The following KHDC4 variants were observed in gnomAD, a reference collection of about 807,000 sequenced individuals.
The protein encoded by KHDC4 is KH homology domain-containing protein 4.
Under a neutral mutation model 74.5 loss-of-function variants are expected in KHDC4, and 19 were observed. The observed-to-expected ratio is 0.26, with a 90% CI of 0.18 to 0.37. The LOEUF (loss-of-function observed/expected upper bound fraction) is 0.37. Among genes scored for constraint, KHDC4 ranks in the 10% least tolerant of loss-of-function variants. The pLI is 1.00. For synonymous variants in KHDC4, 253 were observed against 266.1 expected, an observed-to-expected ratio of 0.95 and a Z score of 0.48; for missense variants, 632 against 754.1, an observed-to-expected ratio of 0.84 and a Z score of 1.90.
At chr1:155,931,329 G>T (rs1674137824) in intron 2 of KHDC4, among the ~76,000 whole-genome samples, 1 of 146,142 alleles carries the variant, frequency 6.8e-6, no homozygotes, top group Admixed American at 6.8e-5. Flanking sequence ...CAGAAAGAAA[G>T]AAAGAAAGAA....
chr1:155,926,325 C>CTTTTT lies in KHDC4; in HGVS notation c.681+346_681+350dup, dbSNP rs34342755. ...TTTTCTTTGTATGTATTACTTGGCA[C>CTTTTT]TTTTTTTTTTTTTTTTTTTTTTGAG... On this transcript the variant is annotated intron_variant, in intron 6 of 13. Transcript: ENST00000368321. 3.8e-3 allele frequency: 667 copies of CTTTTT among 175,092 alleles called. 1 individual carries two copies. The highest frequency in any genetic ancestry group is 7.2e-3 in the South Asian group (136 of 18,918). The allele number at this position is 175,092 out of a possible 1,614,324, so 10.8% of individuals were successfully genotyped here.
At position 155,917,569 on chromosome 1, in the gene KHDC4, G is replaced by C. The variant is rs758703032; in HGVS notation, c.1370C>G (p.Pro457Arg). The C allele has an allele frequency of 1.2e-5, 19 of 1,611,750 alleles. No homozygotes were observed. Among genetic ancestry groups the C allele is most frequent in the Non-Finnish European group, 1.6e-5 (19 of 1,179,274 alleles). The change falls in exon 11 of 14, where the codon CCC becomes CGC. Residue 457 changes from proline (P) to arginine (R), a missense_variant. Coordinates refer to ENST00000368321, the MANE Select transcript of KHDC4 (RefSeq NM_014949.4). ...TGTGAATCGTCTCTTCTGTGCCTGG[G>C]GCTGACTTGGGAGTGGGGGCTGGGG... Reference protein sequence around the residue: ...PQPQPPLPSQPQAQKRRFTEE... With the variant: ...PQPQPPLPSQRQAQKRRFTEE...
At chr1:155,925,602 T>G (rs746588445) in intron 7 of KHDC4, 30 bp downstream of exon 7, 1 of 1,577,268 alleles carries the variant, frequency 6.3e-7, no homozygotes, top group South Asian at 1.1e-5. Context: ...TGACAAGAAT[T>G]CACATGTCCC....
intron 4 of KHDC4, among the ~76,000 whole-genome samples, chr1:155,927,889 A>G (rs1257043672): frequency 6.8e-6 from 1 of 146,338 alleles, no homozygotes; most frequent in African/African-American, 2.5e-5. Flanking sequence ...TAATGGGGAA[A>G]GATTGATCAT....
intron 3 of KHDC4, 45 bp from the exon 4 acceptor site, chr1:155,929,420 A>C (rs1221697288): frequency 6.9e-7 from 1 of 1,452,032 alleles, no homozygotes; most frequent in African/African-American, 1.4e-5. Context: ...CAATTGGTTG[A>C]TTTCAATGGC....
At chr1:155,923,163 C>T (rs1317710804) in intron 8 of KHDC4, among the ~76,000 whole-genome samples, 1 of 151,518 alleles carries the variant, frequency 6.6e-6, no homozygotes, top group Non-Finnish European at 1.5e-5. Flanking sequence ...CGAGATCCCG[C>T]CACTGCACTC....
chr1:155,932,470 T>C (rs1316366976), intron 2 of KHDC4: 1 of 152,200 alleles, frequency 6.6e-6, no homozygotes, highest in Admixed American at 6.5e-5. Context: ...TTTTAGGTTT[T>C]ATGATTCTAA....
chr1:155,914,037 C>G lies in KHDC4; in HGVS notation c.*84G>C. 1.7e-6 allele frequency: 2 copies of G among 1,208,290 alleles called. No individual in the cohort carries two copies. Among genetic ancestry groups the G allele is most frequent in the Non-Finnish European group, 2.4e-6 (2 of 817,000 alleles). 74.8% of individuals were successfully genotyped at this position (1,208,290 alleles called of 1,614,324 possible). On this transcript the variant is annotated 3_prime_UTR_variant, in exon 14 of 14. Coordinates refer to ENST00000368321, the MANE Select transcript of KHDC4 (RefSeq NM_014949.4). ...GCAAAGGTCCAGATGGTTCCCAGCA[C>G]AGGCCCCAGAGTCTTGTTAAATCAA...
intron 8 of KHDC4, among the ~76,000 whole-genome samples, chr1:155,923,266 A>G (rs1241954981): frequency 6.6e-6 from 1 of 152,190 alleles, no homozygotes; most frequent in African/African-American, 2.4e-5. Context: ...TCAAATGAGC[A>G]ATCATCCCCC....
At chr1:155,927,029 T>G (rs914023609) in intron 5 of KHDC4, 75 bp downstream of exon 5, 257 of 1,455,156 alleles carry the variant, frequency 1.8e-4, no homozygotes, top group Non-Finnish European at 1.6e-4. Flanking sequence ...CAGGGACACT[T>G]TGCCAACTTG....
rs769704417 is a variant in KHDC4, at chr1:155,926,003, G to A, written c.682-160C>T. On this transcript the variant is annotated intron_variant, in intron 6 of 13. Coordinates refer to ENST00000368321, the MANE Select transcript of KHDC4 (RefSeq NM_014949.4). Reference sequence around the variant, plus strand: ...AGCCCTGTGATACTCTTCAGTGAAGGCTGCTCTCTCCAACCCTTTTTTCTA... The same window carrying A: ...AGCCCTGTGATACTCTTCAGTGAAGACTGCTCTCTCCAACCCTTTTTTCTA... 1.2e-5 allele frequency: 9 copies of A among 777,878 alleles called. No homozygotes were observed. In the South Asian group the frequency reaches 1.2e-4, roughly 11 times the overall value. The allele number at this position is 777,878 out of a possible 1,614,324, so 48.2% of individuals were successfully genotyped here. A position where few individuals can be genotyped will look rare whatever the true frequency, so the allele number is the denominator to read the frequency against.
rs1673674802 is a variant in KHDC4 at position 155,913,689 on chromosome 1, C to T, written c.*432G>A. On this transcript the variant is annotated 3_prime_UTR_variant, in exon 14 of 14. Coordinates refer to ENST00000368321, the MANE Select transcript of KHDC4 (RefSeq NM_014949.4). ...AAGGACGGTCTTAAAATCATTTCCCCACTAATAAATAGTAAGGCTCTGTTT... is the reference window on the plus strand; with the variant it reads ...AAGGACGGTCTTAAAATCATTTCCCTACTAATAAATAGTAAGGCTCTGTTT... 6.4e-6 allele frequency: 1 copy of T among 157,182 alleles called. No homozygotes were observed. Among genetic ancestry groups the T allele is most frequent in the African/African-American group, 2.4e-5 (1 of 41,496 alleles). The allele number at this position is 157,182 out of a possible 1,614,324, so 9.7% of individuals were successfully genotyped here. A position where few individuals can be genotyped will look rare whatever the true frequency, so the allele number is the denominator to read the frequency against.
chr1:155,923,843 CAT>C (rs1378581550), intron 7 of KHDC4, among the ~76,000 whole-genome samples, 156 bp from the exon 8 acceptor site: 1 of 152,172 alleles, frequency 6.6e-6, no homozygotes, highest in Non-Finnish European at 1.5e-5. Flanking sequence ...AAACACAAAA[CAT>C]AAGTCTTTTA....
chr1:155,918,858 CA>C (rs1673789385), intron 10 of KHDC4, among the ~76,000 whole-genome samples: 1 of 152,006 alleles, frequency 6.6e-6, no homozygotes, highest in Non-Finnish European at 1.5e-5. Context: ...TCACTGTGCC[CA>C]TTTTACATCT....
chr1:155,927,855 C>A lies in KHDC4; in HGVS notation c.465-699G>T, dbSNP rs1487571809. ...AACCACACACACACACACACACACA[C>A]ACACACACACACACACACAAAATTA... On this transcript the variant is annotated intron_variant, in intron 4 of 13. Coordinates refer to ENST00000368321, the MANE Select transcript of KHDC4 (RefSeq NM_014949.4). Among the ~76,000 whole-genome samples the A allele has an allele frequency of 1.1e-4, 5 of 46,516 alleles. 1 individual carries two copies. The highest frequency in any genetic ancestry group is 2.3e-4 in the African/African-American group (5 of 21,584). 30.5% of individuals were successfully genotyped at this position (46,516 alleles called of 152,430 possible). A position where few individuals can be genotyped will look rare whatever the true frequency, so the allele number is the denominator to read the frequency against.
In KHDC4 at chr1:155,917,627, C is replaced by A. The variant is rs766489513; in HGVS notation, c.1312G>T (p.Ala438Ser). ...PFIPAAPVKTALPAGPQPQPQ... is the reference protein window; with the variant it reads ...PFIPAAPVKTSLPAGPQPQPQ... ...TGGGGCTGGGGGCCAGCAGGCAAGG[C>A]AGTTTTGACAGGAGCAGCAGGAATA... The change falls in exon 11 of 14, where the codon GCC becomes TCC. Residue 438 changes from alanine to serine, a missense_variant. Physicochemically the swap from Ala to Ser is moderately conservative, Grantham distance 99. This residue lies in a region of KHDC4 where 254 missense variants were observed against 267.4 expected (regional missense o/e 0.95). Transcript: ENST00000368321. 2.6e-5 allele frequency: 41 copies of A among 1,600,448 alleles called. No individual in the cohort carries two copies. Among genetic ancestry groups the A allele is most frequent in the Non-Finnish European group, 3.4e-5 (40 of 1,174,356 alleles).
At chr1:155,927,836 A>C (rs1244923063) in intron 4 of KHDC4, among the ~76,000 whole-genome samples, 2 of 12,296 alleles carry the variant, frequency 1.6e-4, no homozygotes, top group African/African-American at 3.3e-4. Context: ...AAAAAACCAC[A>C]CACACACACA....
chr1:155,926,301 T>C (rs1353576162), intron 6 of KHDC4, among the ~76,000 whole-genome samples: 1 of 151,912 alleles, frequency 6.6e-6, no homozygotes, highest in Non-Finnish European at 1.5e-5. Flanking sequence ...ACGATTTTTT[T>C]TTCTTTGTAT....
intron 11 of KHDC4, among the ~76,000 whole-genome samples, chr1:155,917,241 G>A (rs577688615): frequency 6.6e-6 from 1 of 152,144 alleles, no homozygotes; most frequent in African/African-American, 2.4e-5. Context: ...GGGTAAAAGA[G>A]AGAGCACCAC....
Sources: gnomAD v4.1 joint callset for allele counts (sites outside exome capture counted in the v4.1 genomes callset) on GRCh38, gnomAD v4.1.1 for gene constraint, gnomAD v4.1.1 regional missense constraint, MANE v1.5 for transcripts, NCBI Gene and HGNC (gene_info 2026-07-23, HGNC 2026-07-21) for gene names.